KAZN: variants seen among roughly 807,000 people sequenced by gnomAD.
KAZN encodes the protein kazrin.
A neutral mutation model predicts 87.4 loss-of-function variants in KAZN; 40 were observed. That is an observed-to-expected ratio of 0.46 (90% CI 0.36 to 0.60). KAZN has a LOEUF of 0.60. KAZN is among the 20% of genes least tolerant of loss of function. The pLI is 0.00. For missense variants in KAZN, 898 were observed against 1,073.9 expected, an observed-to-expected ratio of 0.84 and a Z score of 2.29; for synonymous variants, 466 against 458.3, an observed-to-expected ratio of 1.02 and a Z score of -0.22.
chr1:15,065,971 A>G, intron 8 of KAZN: 1 of 1,367,104 alleles, frequency 7.3e-7, no homozygotes, highest in Non-Finnish European at 9.4e-7. Context: ...ACGAGTGTGA[A>G]CCTCTCTCCC....
intron 1 of KAZN, among the ~76,000 whole-genome samples, chr1:14,030,310 C>T (rs1641262094): frequency 6.6e-6 from 1 of 151,560 alleles, no homozygotes; most frequent in Admixed American, 6.6e-5. Flanking sequence ...AATCATCATT[C>T]TCAGTAAACT....
At chr1:14,369,317 ATTAACT>A (rs752054574) in intron 2 of KAZN, among the ~76,000 whole-genome samples, 10 of 152,338 alleles carry the variant, frequency 6.6e-5, no homozygotes, top group Non-Finnish European at 1.3e-4. Context: ...ATGCCAGGTC[ATTAACT>A]TTAACACTAT....
chr1:14,246,890 T>C (rs756947695), intron 2 of KAZN, among the ~76,000 whole-genome samples: 10 of 152,174 alleles, frequency 6.6e-5, no homozygotes, highest in African/African-American at 1.2e-4. Flanking sequence ...TTTGTAAAAA[T>C]GTCTCTAGAA....
chr1:14,662,208 G>A (rs751216910), intron 1 of KAZN, among the ~76,000 whole-genome samples: 4 of 152,126 alleles, frequency 2.6e-5, no homozygotes, highest in African/African-American at 4.8e-5. Context: ...GCCAGCGGCC[G>A]GCAGGACTGG....
chr1:14,791,938 C>G (rs1225036919), intron 1 of KAZN, among the ~76,000 whole-genome samples: 1 of 152,200 alleles, frequency 6.6e-6, no homozygotes, highest in Admixed American at 6.6e-5. Context: ...GGAGGAGCAG[C>G]CACATTAGCC....
At chr1:13,952,927 A>T (rs1223286231) in intron 1 of KAZN, among the ~76,000 whole-genome samples, 1 of 152,164 alleles carries the variant, frequency 6.6e-6, no homozygotes, top group African/African-American at 2.4e-5. Flanking sequence ...TAGTTATATG[A>T]TTCTTTATTT....
chr1:14,746,352 C>T (rs1264542395), intron 1 of KAZN, among the ~76,000 whole-genome samples: 1 of 152,106 alleles, frequency 6.6e-6, no homozygotes, highest in African/African-American at 2.4e-5. Context: ...GCCTCTTCTC[C>T]ACCACTCAAT....
At chr1:14,337,160 G>A (rs1657330125) in intron 2 of KAZN, among the ~76,000 whole-genome samples, 1 of 152,216 alleles carries the variant, frequency 6.6e-6, no homozygotes, top group African/African-American at 2.4e-5. Flanking sequence ...TAAATGCCTG[G>A]TAATTGTTAG....
chr1:14,718,347 T>C (rs145496786), intron 1 of KAZN, among the ~76,000 whole-genome samples: 1 of 152,364 alleles, frequency 6.6e-6, no homozygotes, highest in Admixed American at 6.5e-5. Flanking sequence ...CTCAGCATTT[T>C]GTATGGCCCC....
At chr1:14,061,773 G>C (rs1017060123) in intron 1 of KAZN, among the ~76,000 whole-genome samples, 3 of 152,194 alleles carry the variant, frequency 2.0e-5, no homozygotes, top group Admixed American at 2.0e-4. Flanking sequence ...GTAGATTGAA[G>C]AGTATTAAGG....
At chr1:13,965,659 A>G (rs912058985) in intron 1 of KAZN, among the ~76,000 whole-genome samples, 2 of 152,136 alleles carry the variant, frequency 1.3e-5, no homozygotes, top group Non-Finnish European at 2.9e-5. Flanking sequence ...TCTCAGCATC[A>G]TGCCCAATGC....
intron 2 of KAZN, among the ~76,000 whole-genome samples, chr1:14,516,738 G>A (rs935779754): frequency 4.6e-5 from 7 of 152,134 alleles, no homozygotes; most frequent in Non-Finnish European, 5.9e-5. Flanking sequence ...TTCCAAAGGG[G>A]GAAAAATAAA....
rs1261048502 is a variant in KAZN, at chr1:14,962,509, C to T, written c.418+1634C>T. The stretch of plus-strand genomic sequence containing the variant: ...TAGGCAGATCTGTGTGAGCCATCCT[C>T]CACGCCCAGCTTCCCAGGATCCTGT... On this transcript the variant is annotated intron_variant, in intron 2 of 14. Transcript: ENST00000376030. 2.7e-4 allele frequency among the ~76,000 whole-genome samples: 41 copies of T among 152,072 alleles called. 1 individual carries two copies. Among genetic ancestry groups the T allele is most frequent in the Admixed American group, 2.7e-3 (41 of 15,274 alleles).
At chr1:13,962,516 T>C (rs1324540251) in intron 1 of KAZN, among the ~76,000 whole-genome samples, 1 of 152,130 alleles carries the variant, frequency 6.6e-6, no homozygotes, top group Non-Finnish European at 1.5e-5. Context: ...CATTTCTTGT[T>C]TACTTTCCCA....
chr1:15,066,340 G>GC lies in KAZN; in HGVS notation c.1222+593dup, dbSNP rs2100569912. 2.1e-6 allele frequency: 2 copies of GC among 948,170 alleles called. No homozygotes were observed. Among genetic ancestry groups the GC allele is most frequent in the Non-Finnish European group, 2.5e-6 (2 of 812,664 alleles). The allele number at this position is 948,170 out of a possible 1,614,324, so 58.7% of individuals were successfully genotyped here. ...GTCTGTTTTTGATGTCCCCCCTCCC[G>GC]CCCCCCTGGTGTGAACGTGTGGGAC... On this transcript the variant is annotated intron_variant, in intron 8 of 14. Transcript: ENST00000376030. The surrounding 1 kb of genome is among the most constrained non-coding windows in gnomAD (Gnocchi z 4.3).
At chr1:14,562,670 C>T (rs1674325874) in intron 2 of KAZN, among the ~76,000 whole-genome samples, 1 of 152,122 alleles carries the variant, frequency 6.6e-6, no homozygotes, top group Non-Finnish European at 1.5e-5. Context: ...GTAGTTTCAA[C>T]CTATTTCTGC....
chr1:14,482,899 C>G (rs1669157484), intron 2 of KAZN, among the ~76,000 whole-genome samples: 1 of 152,308 alleles, frequency 6.6e-6, no homozygotes, highest in Middle Eastern at 3.4e-3. Flanking sequence ...ACATTACTTA[C>G]TAGCTGGGCA....
chr1:14,830,314 G>C (rs1647017604), intron 1 of KAZN, among the ~76,000 whole-genome samples: 2 of 152,162 alleles, frequency 1.3e-5, no homozygotes, highest in African/African-American at 4.8e-5. Flanking sequence ...GACAGTCCCA[G>C]CAAAGGTCCT....
At chr1:14,530,813 G>C (rs1281293454) in intron 2 of KAZN, among the ~76,000 whole-genome samples, 2 of 152,172 alleles carry the variant, frequency 1.3e-5, no homozygotes, top group Non-Finnish European at 2.9e-5. Flanking sequence ...GGTCAGGCAT[G>C]GTGGTTCATG....
Sources: allele counts gnomAD v4.1 joint callset (sites outside exome capture counted in the v4.1 genomes callset), GRCh38; gene constraint gnomAD v4.1.1; non-coding constraint Gnocchi (gnomAD v3.1); transcripts MANE v1.5; gene names NCBI Gene and HGNC (gene_info 2026-07-23, HGNC 2026-07-21).